The following PTPDC1 variants were observed in gnomAD, a reference collection of about 807,000 sequenced individuals.
PTPDC1 encodes protein tyrosine phosphatase domain-containing protein 1.
PTPDC1 carries 53 observed loss-of-function variants against 75.3 expected under a neutral mutation model. The observed-to-expected ratio is 0.70, with a 90% CI of 0.56 to 0.88. The LOEUF (loss-of-function observed/expected upper bound fraction) is 0.88. Among genes scored for constraint, PTPDC1 ranks in the 40% least tolerant of loss-of-function variants. PTPDC1 has a pLI of 0.00. For synonymous variants in PTPDC1, 349 were observed against 366.2 expected, an observed-to-expected ratio of 0.95 and a Z score of 0.54; for missense variants, 925 against 998.6, an observed-to-expected ratio of 0.93 and a Z score of 0.99.
At position 94,085,289 on chromosome 9, in the gene PTPDC1, G is replaced by A. The variant is rs1827029814; in HGVS notation, c.283G>A (p.Gly95Arg). Residue 95 changes from glycine to arginine, a missense_variant, in exon 2 of 9, where the codon GGG (glycine) becomes AGG (arginine). Coordinates refer to ENST00000620992, the MANE Select transcript of PTPDC1 (RefSeq NM_001253829.2). Reference protein sequence around the residue: ...ERPTPKYTKVGERLRHVIPGH... With the variant: ...ERPTPKYTKVRERLRHVIPGH... ...TCCAACACCAAAGTACACAAAAGTA[G>A]GGGAGCGTTTACGGCATGTCATTCC... is the stretch of plus-strand genomic sequence containing the variant. 6.2e-7 allele frequency: 1 copy of A among 1,614,056 alleles called. No homozygotes were observed. Among genetic ancestry groups the A allele is most frequent in the African/African-American group, 1.3e-5 (1 of 74,924 alleles).
intron 1 of PTPDC1, among the ~76,000 whole-genome samples, chr9:94,035,218 C>A (rs1029083685): frequency 6.6e-6 from 1 of 152,144 alleles, no homozygotes; most frequent in Non-Finnish European, 1.5e-5. Flanking sequence ...TAATGTAATA[C>A]ACTGTTATTA....
chr9:94,098,336 C>G lies in PTPDC1; in HGVS notation c.1770C>G (p.Gly590=). The change falls in exon 6 of 9, where the codon GGC becomes GGG. Residue 590 remains glycine (G), a synonymous_variant. Transcript: ENST00000620992. ...QCKTHGVGSP[G]SVRQNSRTPR... ...AAACTCATGGTGTTGGGAGCCCTGG[C>G]TCTGTCAGGCAGAACAGCAGGACAC... 1 of 1,614,228 alleles carries G rather than the reference C, an allele frequency of 6.2e-7. No individual in the cohort carries two copies. The highest frequency in any genetic ancestry group is 1.6e-4 in the Middle Eastern group (1 of 6,062).
At chr9:94,054,944 T>A (rs978389384) in intron 1 of PTPDC1, among the ~76,000 whole-genome samples, 1 of 152,226 alleles carries the variant, frequency 6.6e-6, no homozygotes, top group Non-Finnish European at 1.5e-5. Flanking sequence ...ACCAGTCTGC[T>A]CTTTGTACTG....
chr9:94,107,188 A>G (rs2118115035), intron 8 of PTPDC1, among the ~76,000 whole-genome samples: 1 of 152,234 alleles, frequency 6.6e-6, no homozygotes, highest in South Asian at 2.1e-4. Flanking sequence ...TCCTGGGCTC[A>G]AGCAACTCTC....
At chr9:94,044,846 AT>A (rs34282710) in intron 1 of PTPDC1, among the ~76,000 whole-genome samples, 1 of 150,784 alleles carries the variant, frequency 6.6e-6, no homozygotes, top group African/African-American at 2.4e-5. Flanking sequence ...GTCTCTCACT[AT>A]TTTTTTTCAT....
At chr9:94,043,807 A>G (rs1204629777) in intron 1 of PTPDC1, among the ~76,000 whole-genome samples, 1 of 152,220 alleles carries the variant, frequency 6.6e-6, no homozygotes, top group Non-Finnish European at 1.5e-5. Context: ...TTCTGCATTT[A>G]TATTTAGGTC....
At chr9:94,079,149 CCTGT>C (rs1270316711) in intron 2 of PTPDC1, among the ~76,000 whole-genome samples, 1 of 152,096 alleles carries the variant, frequency 6.6e-6, no homozygotes, top group East Asian at 1.9e-4. Flanking sequence ...TTGTTATTTG[CCTGT>C]CTATTTGATC....
At chr9:94,047,055 A>G (rs557551337) in intron 1 of PTPDC1, among the ~76,000 whole-genome samples, 2,219 of 152,210 alleles carry the variant, frequency 0.015, 39 homozygotes, top group African/African-American at 0.05. Flanking sequence ...TTTAGCATGA[A>G]GGTTGTTGAA....
chr9:94,091,494 ACTGAGGATTTTTGCATCAATGTTCAT>A (rs1488134928), intron 4 of PTPDC1, among the ~76,000 whole-genome samples: 1 of 152,128 alleles, frequency 6.6e-6, no homozygotes, highest in Non-Finnish European at 1.5e-5. Flanking sequence ...CCAGTATTTT[ACTGAGGATTTTTGCATCAATGTTCAT>A]CAAGGATATT....
chr9:94,053,448 T>G (rs1825843917), intron 1 of PTPDC1, among the ~76,000 whole-genome samples: 1 of 152,188 alleles, frequency 6.6e-6, no homozygotes, highest in Non-Finnish European at 1.5e-5. Context: ...CTATTTTTGT[T>G]TAGTTTTACT....
At chr9:94,101,537 T>TCAGA in intron 6 of PTPDC1, 29 bp from the exon 7 acceptor site, 2 of 1,570,256 alleles carry the variant, frequency 1.3e-6, no homozygotes, top group Non-Finnish European at 8.8e-7. Flanking sequence ...TCTGTCTCTG[T>TCAGA]CTGTCTGTCT....
rs1827842858 is a variant in PTPDC1 at position 94,101,579 on chromosome 9, C to T, written c.2027C>T (p.Ser676Phe). ...CTTCCTTTTTAGAAAGAGCTTAATT[C>T]CCGAGATGGAGCTTGGGAAAGAATA... is the stretch of plus-strand genomic sequence containing the variant. ...KVEMWQKELNSRDGAWERICG... is the reference protein window; with the variant it reads ...KVEMWQKELNFRDGAWERICG... Residue 676 changes from serine to phenylalanine, a missense_variant, in exon 7 of 9, where the codon TCC (serine) becomes TTC (phenylalanine). Physicochemically the swap from Ser to Phe is radical, Grantham distance 155 (BLOSUM62 -2). Transcript: ENST00000620992. The T allele has an allele frequency of 6.2e-7, 1 of 1,612,402 alleles. No individual in the cohort carries two copies. Among genetic ancestry groups the T allele is most frequent in the Non-Finnish European group, 8.5e-7 (1 of 1,179,172 alleles).
upstream of PTPDC1, among the ~76,000 whole-genome samples, chr9:94,083,922 T>G (rs904970631): frequency 6.6e-6 from 1 of 152,014 alleles, no homozygotes; most frequent in African/African-American, 2.4e-5. Context: ...TGTCTTTATT[T>G]GTTCTATCCA....
chr9:94,082,928 T>A (rs146780653), upstream of PTPDC1, among the ~76,000 whole-genome samples: 550 of 152,316 alleles, frequency 3.6e-3, 5 homozygotes, highest in Middle Eastern at 0.014. Context: ...TCATTTTTAG[T>A]GTAGTTGAAA....
At chr9:94,074,388 G>A (rs546903046) in intron 2 of PTPDC1, among the ~76,000 whole-genome samples, 29 of 152,128 alleles carry the variant, frequency 1.9e-4, no homozygotes, top group Non-Finnish European at 3.7e-4. Context: ...TTGAGTCGGG[G>A]GGATAAGATC....
At chr9:94,093,004 A>G (rs1827386746) in intron 4 of PTPDC1, among the ~76,000 whole-genome samples, 2 of 151,604 alleles carry the variant, frequency 1.3e-5, no homozygotes, top group South Asian at 4.2e-4. Context: ...GGTTTCCTGA[A>G]TACAGCACAC....
intron 1 of PTPDC1, chr9:94,038,066 C>A: frequency 1.9e-6 from 1 of 516,188 alleles, no homozygotes; most frequent in Non-Finnish European, 3.7e-6. Context: ...GATTTTTGTT[C>A]AGAAGTGTGC....
intron 4 of PTPDC1, among the ~76,000 whole-genome samples, chr9:94,094,355 G>C (rs1189776000): frequency 2.4e-5 from 2 of 84,138 alleles, no homozygotes; most frequent in East Asian, 3.4e-4. Flanking sequence ...AGGTGTCAGT[G>C]TGCCCCTGCT....
At position 94,078,908 on chromosome 9, in the gene PTPDC1, A is replaced by G. The variant is rs763812089; in HGVS notation, c.83-6343A>G. ...CATAGCTTCTTTTACTTCTTTAAAC[A>G]TGGGTTCCTTTAGGACTTTGAATAT... On this transcript the variant is annotated intron_variant, in intron 2 of 9. Transcript: ENST00000375360. Among the ~76,000 whole-genome samples the G allele has an allele frequency of 1.2e-4, 18 of 152,298 alleles. No individual in the cohort carries two copies. The East Asian group carries it at 3.3e-3, about 28-fold the overall frequency.
Sources: allele counts gnomAD v4.1 joint callset (sites outside exome capture counted in the v4.1 genomes callset), GRCh38; gene constraint gnomAD v4.1.1; transcripts MANE v1.5; gene names NCBI Gene and HGNC (gene_info 2026-07-23, HGNC 2026-07-21).